EPHA6: variants seen among roughly 807,000 people sequenced by gnomAD.
EPHA6 encodes EPH receptor A6, also known as ephrin type-A receptor 6.
A neutral mutation model predicts 112.0 loss-of-function variants in EPHA6; 50 were observed. The observed-to-expected ratio is 0.45, with a 90% confidence interval of 0.36 to 0.56. EPHA6 has a LOEUF of 0.56. Among genes scored for constraint, EPHA6 ranks in the 20% least tolerant of loss-of-function variants. The pLI, the probability that EPHA6 is intolerant of heterozygous loss-of-function variation, is 0.00. For missense variants in EPHA6, 1,280 were observed against 1,417.4 expected (o/e 0.90, Z 1.56); for synonymous variants, 529 against 490.7 (o/e 1.08, Z -1.03).
chr3:97,604,186 T>C (rs2093663268), intron 12 of EPHA6, among the ~76,000 whole-genome samples: 1 of 151,750 alleles, frequency 6.6e-6, no homozygotes, highest in African/African-American at 2.4e-5. Context: ...TATATAATAT[T>C]CAAATGAGGA....
chr3:97,369,743 A>G (rs1338975852), intron 5 of EPHA6, among the ~76,000 whole-genome samples: 4 of 152,208 alleles, frequency 2.6e-5, no homozygotes, highest in Non-Finnish European at 1.5e-5. Context: ...TAACATTTAT[A>G]TACTGATAAT....
intron 2 of EPHA6, among the ~76,000 whole-genome samples, chr3:96,928,614 T>A (rs766547906): frequency 7.9e-5 from 12 of 152,152 alleles, no homozygotes; most frequent in Admixed American, 3.3e-4. Flanking sequence ...GGTGGAGAGT[T>A]CTGTAGGTAT....
In EPHA6 at chr3:97,761,466, C is replaced by A. The variant is rs1403369109; in HGVS notation, c.*12765C>A. ...CCTAAGAGGCATTATCAGGGTCTTA[C>A]AGATGGAGTAAGCCTGTTTATTAAA... On this transcript the variant is annotated 3_prime_UTR_variant, in exon 18 of 18. Coordinates refer to ENST00000389672, the MANE Select transcript of EPHA6 (RefSeq NM_001080448.3). The A allele has an allele frequency of 5.6e-6, 1 of 177,882 alleles. No individual in the cohort carries two copies. The highest frequency in any genetic ancestry group is 2.4e-5 in the African/African-American group (1 of 42,266). The allele number at this position is 177,882 out of a possible 1,614,324, so 11.0% of individuals were successfully genotyped here.
chr3:97,576,435 A>G (rs970607601), intron 11 of EPHA6, among the ~76,000 whole-genome samples: 2 of 152,178 alleles, frequency 1.3e-5, no homozygotes, highest in Non-Finnish European at 2.9e-5. Context: ...CTGCGCTGGC[A>G]GACACTCAAA....
At chr3:97,264,250 T>A (rs1256434072) in intron 5 of EPHA6, among the ~76,000 whole-genome samples, 1 of 152,192 alleles carries the variant, frequency 6.6e-6, no homozygotes, top group Non-Finnish European at 1.5e-5. Flanking sequence ...CCAGCCTGGA[T>A]CCCATGCCTC....
At position 97,352,509 on chromosome 3, in the gene EPHA6, G is replaced by A. The variant is rs137935437; in HGVS notation, c.1607-52641G>A. 1.7e-4 allele frequency among the ~76,000 whole-genome samples: 26 copies of A among 152,198 alleles called. No homozygotes were observed. The East Asian group carries it at 5.0e-3, about 29-fold the overall frequency. On this transcript the variant is annotated intron_variant, in intron 5 of 17. Coordinates refer to ENST00000389672, the MANE Select transcript of EPHA6 (RefSeq NM_001080448.3). ...GGAGGAGAGAGAATGCAGTGACTGT[G>A]GGCTTTGCATTGGAACTCAGTGCTG...
chr3:97,555,154 C>T (rs1316069110), intron 11 of EPHA6, among the ~76,000 whole-genome samples: 6 of 140,764 alleles, frequency 4.3e-5, no homozygotes, highest in Non-Finnish European at 4.6e-5. Context: ...TTGTTCAATT[C>T]CCATCTATGA....
intron 5 of EPHA6, among the ~76,000 whole-genome samples, chr3:97,361,224 A>G (rs2084353809): frequency 6.6e-6 from 1 of 152,330 alleles, no homozygotes; most frequent in Non-Finnish European, 1.5e-5. Flanking sequence ...ACTATCAGTA[A>G]GAAACCGTGT....
chr3:97,438,676 G>A (rs897874774), intron 6 of EPHA6, among the ~76,000 whole-genome samples: 6 of 152,136 alleles, frequency 3.9e-5, no homozygotes, highest in African/African-American at 1.4e-4. Flanking sequence ...ACTTGTCACA[G>A]CATCTGCAAG....
chr3:96,909,786 C>T (rs1165024756), intron 2 of EPHA6, among the ~76,000 whole-genome samples: 2 of 151,962 alleles, frequency 1.3e-5, no homozygotes, highest in South Asian at 2.1e-4. Flanking sequence ...ACATCTTGGT[C>T]TAAAACCTCA....
At chr3:97,389,059 G>T (rs2086245158) in intron 5 of EPHA6, among the ~76,000 whole-genome samples, 1 of 152,082 alleles carries the variant, frequency 6.6e-6, no homozygotes, top group Admixed American at 6.6e-5. Context: ...TCCTTAAGAA[G>T]CAGGGAAAGG....
intron 5 of EPHA6, among the ~76,000 whole-genome samples, chr3:97,298,486 A>G (rs1286423097): frequency 6.6e-6 from 1 of 152,200 alleles, no homozygotes; most frequent in Non-Finnish European, 1.5e-5. Flanking sequence ...ACAGTGTGAC[A>G]GCTACTCCCT....
intron 3 of EPHA6, among the ~76,000 whole-genome samples, chr3:97,152,979 G>A (rs1247112666): frequency 6.6e-6 from 1 of 151,868 alleles, no homozygotes; most frequent in African/African-American, 2.4e-5. Context: ...TAGTTAAAAG[G>A]GTCATTATCA....
intron 5 of EPHA6, among the ~76,000 whole-genome samples, chr3:97,374,442 C>A (rs2108993969): frequency 6.6e-6 from 1 of 152,216 alleles, no homozygotes; most frequent in South Asian, 2.1e-4. Context: ...TCCATGATGT[C>A]ATTCTCTCTT....
intron 14 of EPHA6, among the ~76,000 whole-genome samples, chr3:97,682,479 T>C (rs550406590): frequency 1.3e-5 from 2 of 152,256 alleles, no homozygotes; most frequent in East Asian, 3.9e-4. Flanking sequence ...CTTCTACCTA[T>C]TGACGTAAAG....
At chr3:96,833,269 A>G (rs1407338677) in intron 1 of EPHA6, among the ~76,000 whole-genome samples, 1 of 150,834 alleles carries the variant, frequency 6.6e-6, no homozygotes, top group Non-Finnish European at 1.5e-5. Flanking sequence ...TGTGAAGATG[A>G]AGACAGGTAT....
intron 3 of EPHA6, among the ~76,000 whole-genome samples, chr3:97,225,576 G>C (rs957642558): frequency 6.6e-6 from 1 of 151,940 alleles, no homozygotes; most frequent in African/African-American, 2.4e-5. Flanking sequence ...AGTTATTGAA[G>C]AGACTATTGT....
intron 5 of EPHA6, among the ~76,000 whole-genome samples, chr3:97,289,877 A>G (rs1034556369): frequency 1.3e-5 from 2 of 152,030 alleles, no homozygotes; most frequent in African/African-American, 2.4e-5. Context: ...CTAGTGGTCT[A>G]TTGATCTTGT....
chr3:96,819,920 G>A (rs1317200429), intron 1 of EPHA6, among the ~76,000 whole-genome samples: 1 of 152,048 alleles, frequency 6.6e-6, no homozygotes, highest in Non-Finnish European at 1.5e-5. Flanking sequence ...TATGGATGAA[G>A]CAACAAAGAC....
Sources: gnomAD v4.1 joint callset for allele counts (sites outside exome capture counted in the v4.1 genomes callset) on GRCh38, gnomAD v4.1.1 for gene constraint, MANE v1.5 for transcripts, NCBI Gene and HGNC (gene_info 2026-07-23, HGNC 2026-07-21) for gene names.